Variants in ARHGEF7 observed in about 807,000 individuals in gnomAD.
ARHGEF7 encodes Rho guanine nucleotide exchange factor 7.
A neutral mutation model predicts 109.8 loss-of-function variants in ARHGEF7; 33 were observed. The observed-to-expected ratio is 0.30, with a 90% CI of 0.23 to 0.40. The LOEUF (loss-of-function observed/expected upper bound fraction) is 0.40. ARHGEF7 is among the 10% of genes least tolerant of loss of function. The pLI is 1.00. For synonymous variants in ARHGEF7, 458 were observed against 424.6 expected (o/e 1.08, Z -0.97); for missense variants, 938 against 1,098.5 (o/e 0.85, Z 2.07).
At position 111,212,767 on chromosome 13, in the gene ARHGEF7, C is replaced by T. The variant is rs529272956; in HGVS notation, c.468+2765C>T. Among the ~76,000 whole-genome samples the T allele has an allele frequency of 7.9e-5, 12 of 152,218 alleles. No individual in the cohort carries two copies. The South Asian group carries it at 2.5e-3, about 32-fold the overall frequency. ...ACACATTGTTAAATATTTTCATATA[C>T]CATATTTTGTCAATTCAAAGACTTC... On this transcript the variant is annotated intron_variant, in intron 4 of 21. Transcript: ENST00000646102.
intron 1 of ARHGEF7, chr13:111,144,094 G>T (rs909558582): frequency 5.9e-5 from 9 of 152,194 alleles, no homozygotes; most frequent in African/African-American, 2.2e-4. Flanking sequence ...CTGTAGTCTT[G>T]TTGGTCTCTC....
At chr13:111,185,413 T>A (rs2079152336) in intron 2 of ARHGEF7, among the ~76,000 whole-genome samples, 1 of 152,234 alleles carries the variant, frequency 6.6e-6, no homozygotes. Flanking sequence ...GTTCTTTCTC[T>A]GTTAATTTTT....
At chr13:111,209,009 G>A (rs1012579875) in intron 3 of ARHGEF7, among the ~76,000 whole-genome samples, 9 of 152,148 alleles carry the variant, frequency 5.9e-5, no homozygotes, top group African/African-American at 1.9e-4. Context: ...CAGACTTTTC[G>A]ATGTTGACCG....
intron 8 of ARHGEF7, among the ~76,000 whole-genome samples, chr13:111,247,729 A>G (rs572900926): frequency 6.6e-6 from 1 of 152,318 alleles, no homozygotes; most frequent in Admixed American, 6.5e-5. Context: ...TCTATAAACA[A>G]AGTTTCACTG....
chr13:111,265,151 G>GC (rs2091504099), intron 8 of ARHGEF7, among the ~76,000 whole-genome samples: 6 of 137,002 alleles, frequency 4.4e-5, no homozygotes, highest in Non-Finnish European at 7.8e-5. Flanking sequence ...AAAAAAAGAA[G>GC]ACCCATTGTG....
At chr13:111,263,811 C>T (rs988071133) in intron 8 of ARHGEF7, among the ~76,000 whole-genome samples, 6 of 134,408 alleles carry the variant, frequency 4.5e-5, no homozygotes, top group African/African-American at 1.5e-4. Context: ...AGGGCGTGTT[C>T]TTCCTCCTCT....
intron 18 of ARHGEF7, among the ~76,000 whole-genome samples, chr13:111,289,283 C>T (rs1247703183): frequency 6.6e-6 from 1 of 152,248 alleles, no homozygotes; most frequent in South Asian, 2.1e-4. Flanking sequence ...ATCTGCCCGC[C>T]TCAGCCTCCC....
chr13:111,171,138 T>C (rs568051840), intron 2 of ARHGEF7, among the ~76,000 whole-genome samples: 6 of 152,354 alleles, frequency 3.9e-5, no homozygotes, highest in Non-Finnish European at 8.8e-5. Flanking sequence ...AGCTCACCAA[T>C]GCACTCTTAG....
chr13:111,203,128 A>AT, intron 2 of ARHGEF7: 1 of 1,273,488 alleles, frequency 7.9e-7, no homozygotes, highest in Non-Finnish European at 1.0e-6. Context: ...GTTAGTAGAA[A>AT]TTTATGTATG....
chr13:111,211,777 G>A (rs1185825685), intron 4 of ARHGEF7, among the ~76,000 whole-genome samples: 3 of 152,152 alleles, frequency 2.0e-5, no homozygotes, highest in Non-Finnish European at 4.4e-5. Flanking sequence ...AACAAGAATG[G>A]CCTAACATTC....
intron 19 of ARHGEF7, chr13:111,294,262 G>A (rs773869728): frequency 2.1e-4 from 203 of 985,318 alleles, no homozygotes; most frequent in Non-Finnish European, 2.4e-4. Context: ...AGTCCTCTGC[G>A]TCAGGGAGCA....
intron 5 of ARHGEF7, among the ~76,000 whole-genome samples, chr13:111,220,842 G>A (rs140032064): frequency 7.2e-5 from 11 of 151,986 alleles, no homozygotes; most frequent in East Asian, 1.9e-4. Context: ...ACGTATGTGC[G>A]TGTACATGGT....
chr13:111,191,055 C>G (rs1044917997), intron 2 of ARHGEF7, among the ~76,000 whole-genome samples: 2 of 152,026 alleles, frequency 1.3e-5, no homozygotes, highest in Admixed American at 6.5e-5. Context: ...AAAGCATTCA[C>G]TAGTGGTGGG....
chr13:111,166,252 C>T (rs9588372), intron 2 of ARHGEF7, among the ~76,000 whole-genome samples: 11,160 of 152,164 alleles, frequency 0.073, 659 homozygotes, highest in African/African-American at 0.16. Flanking sequence ...TAGAATGAAA[C>T]CCATGACCCT....
intron 1 of ARHGEF7, among the ~76,000 whole-genome samples, chr13:111,122,294 G>A (rs1245408008): frequency 3.9e-5 from 6 of 152,178 alleles, no homozygotes; most frequent in African/African-American, 1.4e-4. Context: ...GCAGGGCCGG[G>A]AGTCAGAGAT....
chr13:111,178,953 G>T (rs1319667382), intron 2 of ARHGEF7, among the ~76,000 whole-genome samples: 2 of 152,082 alleles, frequency 1.3e-5, no homozygotes, highest in Non-Finnish European at 2.9e-5. Context: ...GCCACTTAAT[G>T]TGCCGTCCCC....
intron 2 of ARHGEF7, among the ~76,000 whole-genome samples, chr13:111,174,840 ACT>A (rs72261197): frequency 0.037 from 5,642 of 152,178 alleles, 362 homozygotes; most frequent in African/African-American, 0.13. Context: ...TTTGCTGATA[ACT>A]CAGCTAGGCG....
intron 2 of ARHGEF7, among the ~76,000 whole-genome samples, chr13:111,171,559 G>A (rs1006205494): frequency 3.3e-5 from 5 of 152,296 alleles, no homozygotes; most frequent in Admixed American, 2.0e-4. Flanking sequence ...GAGGAAGTTG[G>A]CTCATTATGT....
At chr13:111,197,912 A>G (rs2080735388) in intron 2 of ARHGEF7, among the ~76,000 whole-genome samples, 1 of 152,186 alleles carries the variant, frequency 6.6e-6, no homozygotes, top group Non-Finnish European at 1.5e-5. Context: ...GACAGGCATT[A>G]GGACCCAGGA....
Sources: allele counts gnomAD v4.1 joint callset (sites outside exome capture counted in the v4.1 genomes callset), GRCh38; gene constraint gnomAD v4.1.1; transcripts MANE v1.5; gene names NCBI Gene and HGNC (gene_info 2026-07-23, HGNC 2026-07-21).